PRIMPOL: variants seen among roughly 807,000 people sequenced by gnomAD.
PRIMPOL encodes DNA-directed primase/polymerase protein.
A neutral mutation model predicts 63.6 loss-of-function variants in PRIMPOL; 54 were observed. The ratio of observed to expected loss-of-function variants is 0.85; its 90% CI spans 0.68 to 1.07. PRIMPOL has a LOEUF of 1.07. PRIMPOL is among the 50% of genes least tolerant of loss of function. PRIMPOL has a pLI of 0.00. For synonymous variants in PRIMPOL, 197 were observed against 220.2 expected, an observed-to-expected ratio of 0.89 and a Z score of 0.93; for missense variants, 610 against 648.3, an observed-to-expected ratio of 0.94 and a Z score of 0.64.
At position 184,659,365 on chromosome 4, in the gene PRIMPOL, G is replaced by A; in HGVS notation, c.206G>A (p.Cys69Tyr). Residue 69 changes from cysteine to tyrosine, a missense_variant, in exon 4 of 14, where the codon TGC becomes TAC. Cys to Tyr is a radical substitution (Grantham distance 194). Coordinates refer to ENST00000314970, the MANE Select transcript of PRIMPOL (RefSeq NM_152683.4). Reference protein sequence around the residue: ...KEDVHVFALECKVGDGQRIYL... With the variant: ...KEDVHVFALEYKVGDGQRIYL... ...GACGTTCATGTATTTGCTTTGGAATGCAAAGTAGGAGATGGACAACGTATT... is the reference window on the plus strand; with the variant it reads ...GACGTTCATGTATTTGCTTTGGAATACAAAGTAGGAGATGGACAACGTATT... 5.0e-6 allele frequency: 8 copies of A among 1,613,756 alleles called. No individual in the cohort carries two copies. Among genetic ancestry groups the A allele is most frequent in the Non-Finnish European group, 6.8e-6 (8 of 1,179,752 alleles).
chr4:184,694,542 T>C lies in PRIMPOL; in HGVS notation c.1446T>C (p.Asp482=). Residue 482 remains aspartate (D), a synonymous_variant, in exon 14 of 14, where the codon GAT becomes GAC. Coordinates refer to ENST00000314970, the MANE Select transcript of PRIMPOL (RefSeq NM_152683.4). The part of the protein sequence containing the change: ...LFKEEEEFTT[D]EADETRSNET... ...TAAAGGAAGAAGAGTTTACAACAGA[T>C]GAAGCAGATGAAACTAGGAGCAATG... 2 of 1,581,948 alleles carry C rather than the reference T, an allele frequency of 1.3e-6. No individual in the cohort carries two copies. Among genetic ancestry groups the C allele is most frequent in the East Asian group, 4.5e-5 (2 of 44,864 alleles).
rs771771068 is a variant in PRIMPOL at position 184,672,360 on chromosome 4, GA to G, written c.747del (p.Lys249AsnfsTer18). Reference protein sequence around the residue: ...TEESWTSNSKKLERLGSAEQS... With the variant: ...TEESWTSNSKXLERLGSAEQS... ...AGGAAAGCTGGACATCGAATTCAAAGAAACTGGAGAGGCTGGGGTCAGCTGA... is the reference window on the plus strand; with the variant it reads ...AGGAAAGCTGGACATCGAATTCAAAGAACTGGAGAGGCTGGGGTCAGCTGA... On this transcript the variant is annotated frameshift_variant, in exon 7 of 14. Transcript: ENST00000314970. LOFTEE classifies it high-confidence loss of function. The G allele has an allele frequency of 5.0e-6, 8 of 1,614,052 alleles. No individual in the cohort carries two copies. The highest frequency in any genetic ancestry group is 6.8e-6 in the Non-Finnish European group (8 of 1,180,030).
chr4:184,682,506 C>G (rs560268455), intron 9 of PRIMPOL, among the ~76,000 whole-genome samples, 170 bp downstream of exon 9: 3 of 151,922 alleles, frequency 2.0e-5, no homozygotes, highest in Admixed American at 2.0e-4. Context: ...CACCATCACG[C>G]CCAGATAATT....
chr4:184,651,403 T>C (rs533096041), intron 1 of PRIMPOL, among the ~76,000 whole-genome samples: 9 of 152,302 alleles, frequency 5.9e-5, no homozygotes, highest in Admixed American at 2.6e-4. Context: ...CCCTCCTGAA[T>C]TGAGTGAACA....
In PRIMPOL at chr4:184,691,688, A is replaced by T; in HGVS notation, c.1401A>T (p.Val467=). Reference sequence around the variant, plus strand: ...CAGGTTTCCCATTACCTGCTGAAGTATGTCTCCTGTTTCTTTTCAAAGAGG... The same window carrying T: ...CAGGTTTCCCATTACCTGCTGAAGTTTGTCTCCTGTTTCTTTTCAAAGAGG... The part of the protein sequence containing the change: ...KSDCFPLPAE[V]CLLFLFKEEE... The change falls in exon 13 of 14, where the codon GTA becomes GTT. Residue 467 remains valine (V), a synonymous_variant. Transcript: ENST00000314970. The T allele has an allele frequency of 1.9e-6, 3 of 1,612,472 alleles. No individual in the cohort carries two copies. The highest frequency in any genetic ancestry group is 2.5e-6 in the Non-Finnish European group (3 of 1,178,844).
chr4:184,686,028 C>T (rs1170803999), intron 11 of PRIMPOL, among the ~76,000 whole-genome samples: 2 of 152,166 alleles, frequency 1.3e-5, no homozygotes, highest in African/African-American at 2.4e-5. Flanking sequence ...TCTCGAACTC[C>T]TGACCTTGTG....
At chr4:184,662,707 C>T (rs577605572) in intron 5 of PRIMPOL, among the ~76,000 whole-genome samples, 19 of 152,028 alleles carry the variant, frequency 1.2e-4, no homozygotes, top group African/African-American at 4.6e-4. Flanking sequence ...TTATAGATTA[C>T]CCATTTTATA....
chr4:184,691,896 CCT>C (rs1491461304), intron 13 of PRIMPOL, among the ~76,000 whole-genome samples, 184 bp downstream of exon 13: 1 of 56,344 alleles, frequency 1.8e-5, no homozygotes, highest in Non-Finnish European at 3.0e-5. Flanking sequence ...ATAATACAAA[CCT>C]TTTTTTTTTT....
intron 7 of PRIMPOL, among the ~76,000 whole-genome samples, chr4:184,675,508 T>A (rs985857368): frequency 1.3e-5 from 2 of 152,098 alleles, no homozygotes; most frequent in African/African-American, 2.4e-5. Context: ...TTGTTGTAAG[T>A]CCCCCCAAAA....
Position 184,691,897 on chromosome 4 carries a change from CTTTTT to C in PRIMPOL, c.1425+197_1425+201del, listed in dbSNP as rs10567357. ...TCAGCACATATCTGATAATACAAAC[CTTTTT>C]TTTTTTTTTTTACTGCTGCTTGAGG... On this transcript the variant is annotated intron_variant, in intron 13 of 13. Transcript: ENST00000314970. 2.9e-3 allele frequency among the ~76,000 whole-genome samples: 401 copies of C among 140,508 alleles called. 5 individuals are homozygous for C. The highest frequency in any genetic ancestry group is 9.5e-3 in the African/African-American group (368 of 38,666). 92.2% of individuals were successfully genotyped at this position (140,508 alleles called of 152,430 possible). A position where few individuals can be genotyped will look rare whatever the true frequency, so the allele number is the denominator to read the frequency against.
chr4:184,672,094 A>C, intron 6 of PRIMPOL, 79 bp from the exon 7 acceptor site: 1 of 1,285,466 alleles, frequency 7.8e-7, no homozygotes, highest in Admixed American at 2.2e-5. Flanking sequence ...TAAAATTGTC[A>C]TATGTGGATT....
At position 184,685,609 on chromosome 4, in the gene PRIMPOL, A is replaced by C. The variant is rs1045691983; in HGVS notation, c.1220A>C (p.Glu407Ala). Residue 407 changes from glutamate (E) to alanine (A), a missense_variant, in exon 11 of 14, where the codon GAA becomes GCA. Transcript: ENST00000314970. ...CGTTGGAACTACTTTTTCCCAGAAG[A>C]ATTACTGGTTTATGATATTTGTAAA... The part of the protein sequence containing the change: ...IRRWNYFFPE[E>A]LLVYDICKYR... 5.0e-6 allele frequency: 8 copies of C among 1,612,720 alleles called. No individual in the cohort carries two copies. Among genetic ancestry groups the C allele is most frequent in the Admixed American group, 1.7e-5 (1 of 59,976 alleles).
chr4:184,666,088 T>C lies in PRIMPOL; in HGVS notation c.556+24T>C, dbSNP rs777939138. 9 of 1,556,510 alleles carry C rather than the reference T, an allele frequency of 5.8e-6. No individual in the cohort carries two copies. In the East Asian group the frequency reaches 1.8e-4, roughly 31 times the overall value. The stretch of plus-strand genomic sequence containing the variant: ...TGGTAAGTACACGGCTTTTTAAAAA[T>C]CATGGAGTTGTATTCAAAACTCATA... On this transcript the variant is annotated intron_variant, in intron 6 of 13. Coordinates refer to ENST00000314970, the MANE Select transcript of PRIMPOL (RefSeq NM_152683.4).
At chr4:184,689,358 G>A (rs1250698598) in intron 11 of PRIMPOL, among the ~76,000 whole-genome samples, 1 of 151,342 alleles carries the variant, frequency 6.6e-6, no homozygotes, top group African/African-American at 2.4e-5. Context: ...CACCTCACCA[G>A]GCCTATGTAT....
Position 184,651,290 on chromosome 4 carries a change from C to CAAAAAAAAAAAA in PRIMPOL, c.-137-725_-137-724insAAAAAAAAAAAA, listed in dbSNP as rs1203681677. ...TGGGCAACAGAGCAAGACTCTGTCT[C>CAAAAAAAAAAAA]AAAAAAAAGAAAAAAAAGGGGTTAA... On this transcript the variant is annotated intron_variant, in intron 1 of 13. Transcript: ENST00000314970. Among the ~76,000 whole-genome samples the CAAAAAAAAAAAA allele has an allele frequency of 3.5e-4, 50 of 143,996 alleles. 1 individual carries two copies. The highest frequency in any genetic ancestry group is 1.2e-3 in the African/African-American group (43 of 35,180). The allele number at this position is 143,996 out of a possible 152,430, so 94.5% of individuals were successfully genotyped here.
At chr4:184,663,840 A>G (rs1487875688) in intron 5 of PRIMPOL, among the ~76,000 whole-genome samples, 2 of 152,232 alleles carry the variant, frequency 1.3e-5, no homozygotes, top group Non-Finnish European at 1.5e-5. Context: ...GTTACTTTGT[A>G]TGCAATAAGT....
chr4:184,691,412 G>A, intron 11 of PRIMPOL, 87 bp from the exon 12 acceptor site: 1 of 740,094 alleles, frequency 1.4e-6, no homozygotes, highest in East Asian at 2.6e-5. Flanking sequence ...TAAGTCTTAG[G>A]CATATTTCTT....
chr4:184,651,288 C>T (rs1186729500), intron 1 of PRIMPOL, among the ~76,000 whole-genome samples: 1 of 144,800 alleles, frequency 6.9e-6, no homozygotes, highest in Non-Finnish European at 1.5e-5. Context: ...AAGACTCTGT[C>T]TCAAAAAAAA....
rs73873015 is a variant in PRIMPOL, at chr4:184,655,829, G to A, written c.-59-1253G>A. ...ACTTCAAAAAAGCCCCAATATATCTGTTTTCCACATAGGTAAATTATGGCA... is the reference window on the plus strand; with the variant it reads ...ACTTCAAAAAAGCCCCAATATATCTATTTTCCACATAGGTAAATTATGGCA... On this transcript the variant is annotated intron_variant, in intron 2 of 13. Coordinates refer to ENST00000314970, the MANE Select transcript of PRIMPOL (RefSeq NM_152683.4). 8.3e-3 allele frequency among the ~76,000 whole-genome samples: 1,258 copies of A among 152,198 alleles called. 18 individuals are homozygous for A. Among genetic ancestry groups the A allele is most frequent in the African/African-American group, 0.029 (1,190 of 41,508 alleles).
Sources: gnomAD v4.1 joint callset for allele counts (sites outside exome capture counted in the v4.1 genomes callset) on GRCh38, gnomAD v4.1.1 for gene constraint, MANE v1.5 for transcripts, NCBI Gene and HGNC (gene_info 2026-07-23, HGNC 2026-07-21) for gene names.